Variants in MEI4 observed in about 807,000 individuals in gnomAD.
MEI4 encodes the protein meiosis-specific protein MEI4.
MEI4 carries 27 observed loss-of-function variants against 31.4 expected under a neutral mutation model. The ratio of observed to expected loss-of-function variants is 0.86; its 90% CI spans 0.63 to 1.19. The LOEUF (loss-of-function observed/expected upper bound fraction) is 1.19, where lower values mean the gene tolerates loss of function less well. Ranked by LOEUF, MEI4 falls within the 50% of genes most tolerant of loss-of-function variation. The pLI, the probability that MEI4 is intolerant of heterozygous loss-of-function variation, is 0.00. For missense variants in MEI4, 329 were observed against 398.9 expected, an observed-to-expected ratio of 0.82 and a Z score of 1.49; for synonymous variants, 122 against 145.4, an observed-to-expected ratio of 0.84 and a Z score of 1.16.
chr6:77,866,063 AC>A (rs1195361196), intron 4 of MEI4, among the ~76,000 whole-genome samples: 7 of 152,126 alleles, frequency 4.6e-5, no homozygotes, highest in African/African-American at 1.7e-4. Flanking sequence ...TAAAATAGGT[AC>A]TGATGGGACG....
intron 3 of MEI4, among the ~76,000 whole-genome samples, chr6:77,813,140 T>A (rs1328501915): frequency 6.6e-6 from 1 of 152,154 alleles, no homozygotes; most frequent in African/African-American, 2.4e-5. Context: ...TGGTGCCTGA[T>A]CCCAGTATTT....
intron 4 of MEI4, among the ~76,000 whole-genome samples, chr6:77,845,394 C>G (rs1770459942): frequency 6.6e-6 from 1 of 152,046 alleles, no homozygotes; most frequent in Admixed American, 6.6e-5. Flanking sequence ...GTGTTTATTA[C>G]TTTCAAATAC....
intron 2 of MEI4, among the ~76,000 whole-genome samples, chr6:77,727,240 C>T (rs1436149565): frequency 6.6e-6 from 1 of 152,240 alleles, no homozygotes; most frequent in East Asian, 1.9e-4. Context: ...GAGGTAAATG[C>T]ATCAAGACCT....
At chr6:77,677,023 G>A (rs1768857390) in intron 1 of MEI4, among the ~76,000 whole-genome samples, 1 of 152,082 alleles carries the variant, frequency 6.6e-6, no homozygotes, top group African/African-American at 2.4e-5. Context: ...AAAATACAAT[G>A]TTAATGGTCT....
chr6:77,797,809 T>A (rs1005264518), intron 3 of MEI4, among the ~76,000 whole-genome samples: 1 of 152,124 alleles, frequency 6.6e-6, no homozygotes, highest in Non-Finnish European at 1.5e-5. Flanking sequence ...AGGGTGGGTC[T>A]TCATCTGCCA....
rs1053382831 is a variant in MEI4, at chr6:77,761,738, T to C, written c.768+73T>C. ...TGAACATCTCTTTGGGTAATGTCTG[T>C]TGTTGTCCCTTAGCCTTGTGGCTCA... On this transcript the variant is annotated intron_variant, in intron 3 of 4. Transcript: ENST00000684080. 2.9e-6 allele frequency: 3 copies of C among 1,045,134 alleles called. No individual in the cohort carries two copies. In the African/African-American group the frequency reaches 5.0e-5, roughly 17 times the overall value. 64.7% of individuals were successfully genotyped at this position (1,045,134 alleles called of 1,614,324 possible). A position where few individuals can be genotyped will look rare whatever the true frequency, so the allele number is the denominator to read the frequency against.
In MEI4 at chr6:77,653,050, C is replaced by G. The variant is rs1161062690; in HGVS notation, c.-57C>G. On this transcript the variant is annotated 5_prime_UTR_variant, in exon 1 of 5. Coordinates refer to ENST00000684080, the MANE Select transcript of MEI4 (RefSeq NM_001322247.2). ...GCCCTCCCACCCCTGATGAGGCGTTCTCTTGCCCTGTTATCATCTCATTTC... is the reference window on the plus strand; with the variant it reads ...GCCCTCCCACCCCTGATGAGGCGTTGTCTTGCCCTGTTATCATCTCATTTC... Among the ~76,000 whole-genome samples the G allele has an allele frequency of 6.6e-6, 1 of 152,202 alleles. No homozygotes were observed. The highest frequency in any genetic ancestry group is 1.5e-5 in the Non-Finnish European group (1 of 68,026).
At chr6:77,819,916 A>G (rs1239939474) in intron 3 of MEI4, among the ~76,000 whole-genome samples, 1 of 152,120 alleles carries the variant, frequency 6.6e-6, no homozygotes, top group Non-Finnish European at 1.5e-5. Flanking sequence ...TTTCTTCTTC[A>G]AGAACTTTTA....
chr6:77,733,297 A>G (rs1410581547), intron 2 of MEI4, among the ~76,000 whole-genome samples: 1 of 151,992 alleles, frequency 6.6e-6, no homozygotes, highest in Non-Finnish European at 1.5e-5. Context: ...TACTGCCACA[A>G]TTTCAGATCC....
intron 4 of MEI4, among the ~76,000 whole-genome samples, chr6:77,835,786 G>A (rs1334272897): frequency 6.6e-6 from 1 of 151,838 alleles, no homozygotes; most frequent in Non-Finnish European, 1.5e-5. Context: ...TTAAAATATG[G>A]CTTGATGTGG....
rs893064938 is a variant in MEI4, at chr6:77,676,245, TATA to T, written c.-14-14404_-14-14402del. ...CAATTATTTGTTTAATCTCCATTTT[TATA>T]ATAATAATTCATAAATTGTAGTTGT... is the stretch of plus-strand genomic sequence containing the variant. On this transcript the variant is annotated intron_variant, in intron 1 of 4. Coordinates refer to ENST00000684080, the MANE Select transcript of MEI4 (RefSeq NM_001322247.2). Among the ~76,000 whole-genome samples the T allele has an allele frequency of 1.1e-4, 17 of 152,294 alleles. No individual in the cohort carries two copies. The East Asian group carries it at 1.9e-3, about 17-fold the overall frequency.
intron 4 of MEI4, among the ~76,000 whole-genome samples, chr6:77,919,682 A>G (rs924967589): frequency 2.0e-5 from 3 of 149,356 alleles, no homozygotes; most frequent in Admixed American, 6.7e-5. Context: ...GACACAAAAA[A>G]CCCTTCAAAA....
chr6:77,729,202 C>G (rs1240365434), intron 2 of MEI4, among the ~76,000 whole-genome samples: 1 of 152,130 alleles, frequency 6.6e-6, no homozygotes, highest in Non-Finnish European at 1.5e-5. Flanking sequence ...TCTCTGCTAT[C>G]CAAAGAATAG....
intron 2 of MEI4, among the ~76,000 whole-genome samples, chr6:77,754,103 G>T (rs1275066888): frequency 6.6e-6 from 1 of 151,964 alleles, no homozygotes; most frequent in Non-Finnish European, 1.5e-5. Flanking sequence ...CCTGTAGGGG[G>T]TTAGGGGGGT....
intron 4 of MEI4, among the ~76,000 whole-genome samples, chr6:77,860,982 C>G (rs993678961): frequency 6.6e-6 from 1 of 152,200 alleles, no homozygotes; most frequent in African/African-American, 2.4e-5. Context: ...TCTTGTCTCT[C>G]AGAGCATCAT....
At chr6:77,880,170 C>T (rs1383945695) in intron 4 of MEI4, among the ~76,000 whole-genome samples, 3 of 151,884 alleles carry the variant, frequency 2.0e-5, no homozygotes, top group African/African-American at 7.3e-5. Context: ...AGAGTAGAAG[C>T]CTTATGATGG....
intron 1 of MEI4, among the ~76,000 whole-genome samples, chr6:77,680,147 C>CG (rs1768928944): frequency 3.3e-5 from 2 of 61,526 alleles, no homozygotes; most frequent in Admixed American, 4.1e-4. Context: ...GGCGTGATGG[C>CG]GGGCGCCTGT....
intron 4 of MEI4, among the ~76,000 whole-genome samples, chr6:77,838,398 A>G (rs920329026): frequency 6.6e-6 from 1 of 152,182 alleles, no homozygotes; most frequent in African/African-American, 2.4e-5. Flanking sequence ...GGCACTGAGC[A>G]TCTGAAGGGG....
chr6:77,700,912 A>T (rs1473127988), intron 2 of MEI4, among the ~76,000 whole-genome samples: 1 of 152,170 alleles, frequency 6.6e-6, no homozygotes, highest in Admixed American at 6.5e-5. Flanking sequence ...TCTTACTTAA[A>T]TGCGCTTTAC....
Sources: allele counts gnomAD v4.1 joint callset (sites outside exome capture counted in the v4.1 genomes callset), GRCh38; gene constraint gnomAD v4.1.1; transcripts MANE v1.5; gene names NCBI Gene and HGNC (gene_info 2026-07-23, HGNC 2026-07-21).